The following RAD51B variants were observed in gnomAD, a reference collection of about 807,000 sequenced individuals.
RAD51B encodes the protein DNA repair protein RAD51 homolog 2.
RAD51B carries 38 observed loss-of-function variants against 42.2 expected under a neutral mutation model. The ratio of observed to expected loss-of-function variants is 0.90; its 90% CI spans 0.70 to 1.18. The LOEUF is 1.18. Among genes scored for constraint, RAD51B ranks in the 50% most tolerant of loss-of-function variants. The pLI, the probability that RAD51B is intolerant of heterozygous loss-of-function variation, is 0.00. For missense variants in RAD51B, 373 were observed against 400.7 expected (o/e 0.93, Z 0.59); for synonymous variants, 154 against 145.2 (o/e 1.06, Z -0.43).
intron 7 of RAD51B, among the ~76,000 whole-genome samples, chr14:68,163,634 T>C (rs1225931415): frequency 6.6e-6 from 1 of 152,202 alleles, no homozygotes. Flanking sequence ...TTCTTCTGTT[T>C]CCCAAGTCCT....
intron 7 of RAD51B, among the ~76,000 whole-genome samples, chr14:68,058,258 T>C (rs2076511342): frequency 6.6e-6 from 1 of 152,212 alleles, no homozygotes; most frequent in South Asian, 2.1e-4. Flanking sequence ...TTTCTGTCCC[T>C]TTGCATTTTT....
intron 4 of RAD51B, among the ~76,000 whole-genome samples, chr14:67,836,822 A>G (rs1457913610): frequency 1.3e-5 from 2 of 152,192 alleles, no homozygotes; most frequent in East Asian, 3.9e-4. Context: ...CACTGCAGTT[A>G]TTTTCCTTGA....
chr14:67,864,200 A>G (rs2042251738), intron 4 of RAD51B, among the ~76,000 whole-genome samples: 1 of 152,180 alleles, frequency 6.6e-6, no homozygotes, highest in Non-Finnish European at 1.5e-5. Flanking sequence ...TTACAATTCA[A>G]CCTGAGATTT....
chr14:68,041,387 C>T (rs2076215143), intron 7 of RAD51B, among the ~76,000 whole-genome samples: 1 of 152,126 alleles, frequency 6.6e-6, no homozygotes, highest in African/African-American at 2.4e-5. Flanking sequence ...TTTCTTCATG[C>T]CATGCTATTC....
At chr14:67,891,205 TA>T (rs1251246434) in intron 7 of RAD51B, among the ~76,000 whole-genome samples, 1 of 152,130 alleles carries the variant, frequency 6.6e-6, no homozygotes, top group African/African-American at 2.4e-5. Flanking sequence ...CAGTTAACAC[TA>T]TTTACAAAAG....
intron 10 of RAD51B, among the ~76,000 whole-genome samples, chr14:68,559,748 T>A (rs992836281): frequency 6.6e-6 from 1 of 152,188 alleles, no homozygotes; most frequent in Non-Finnish European, 1.5e-5. Context: ...TAGTCCTTTT[T>A]CTGCAATTTT....
intron 10 of RAD51B, chr14:68,541,862 C>T: frequency 1.0e-6 from 1 of 966,286 alleles, no homozygotes; most frequent in Non-Finnish European, 1.2e-6. Context: ...AAACAAGCCT[C>T]ATCTCATCTC....
chr14:67,908,074 A>G (rs2043837504), intron 7 of RAD51B, among the ~76,000 whole-genome samples: 1 of 152,164 alleles, frequency 6.6e-6, no homozygotes, highest in Admixed American at 6.5e-5. Context: ...TTAAATTACT[A>G]TATTAAGGAT....
intron 10 of RAD51B, among the ~76,000 whole-genome samples, chr14:68,622,243 C>G (rs1287312821): frequency 6.6e-6 from 1 of 152,220 alleles, no homozygotes; most frequent in African/African-American, 2.4e-5. Context: ...GCCAGATGCT[C>G]TAAGTACAGG....
intron 7 of RAD51B, among the ~76,000 whole-genome samples, chr14:68,039,367 G>C (rs1306273015): frequency 6.7e-6 from 1 of 149,580 alleles, no homozygotes. Flanking sequence ...GGCGAAGGTT[G>C]CTGTGAGCCA....
chr14:68,224,961 G>A (rs556920328), intron 7 of RAD51B, among the ~76,000 whole-genome samples: 2 of 152,158 alleles, frequency 1.3e-5, no homozygotes, highest in African/African-American at 4.8e-5. Context: ...AAAGTGCTGG[G>A]ATTACAGATG....
At chr14:68,110,343 A>G (rs1051239155) in intron 7 of RAD51B, among the ~76,000 whole-genome samples, 1 of 151,988 alleles carries the variant, frequency 6.6e-6, no homozygotes, top group Non-Finnish European at 1.5e-5. Flanking sequence ...AGGTGTTCAT[A>G]CTGTTCCACA....
intron 8 of RAD51B, among the ~76,000 whole-genome samples, chr14:68,398,820 A>T (rs10144806): frequency 0.095 from 14,454 of 152,214 alleles, 2,291 homozygotes; most frequent in African/African-American, 0.33. Context: ...AAATGCATGC[A>T]TGATGGTACA....
chr14:68,494,607 G>C (rs1486718469), intron 10 of RAD51B, among the ~76,000 whole-genome samples: 1 of 152,012 alleles, frequency 6.6e-6, no homozygotes, highest in African/African-American at 2.4e-5. Flanking sequence ...TCCTATTCTT[G>C]TTGCCTTTGA....
intron 7 of RAD51B, among the ~76,000 whole-genome samples, chr14:68,075,639 A>C (rs1292723128): frequency 6.6e-6 from 1 of 152,066 alleles, no homozygotes; most frequent in Non-Finnish European, 1.5e-5. Context: ...GCAGTGACAG[A>C]GGGGCTGGCA....
chr14:68,506,761 G>T (rs187014838), intron 10 of RAD51B, among the ~76,000 whole-genome samples: 5 of 152,256 alleles, frequency 3.3e-5, no homozygotes, highest in Admixed American at 3.3e-4. Flanking sequence ...TGTATGTATG[G>T]GCACATCTCA....
chr14:68,660,871 C>A (rs1014949035), intron 11 of RAD51B, among the ~76,000 whole-genome samples: 3 of 152,196 alleles, frequency 2.0e-5, no homozygotes, highest in African/African-American at 7.2e-5. Flanking sequence ...ACATTGAGAA[C>A]TCTGCAGGAT....
At chr14:68,449,583 C>A (rs1741162598) in intron 9 of RAD51B, among the ~76,000 whole-genome samples, 1 of 152,188 alleles carries the variant, frequency 6.6e-6, no homozygotes, top group Non-Finnish European at 1.5e-5. Context: ...CCCATCCCCC[C>A]AGCTGTCCCC....
rs1483143149 is a variant in RAD51B, at chr14:68,260,320, GA to G, written c.757-31563del. ...GACCGTGTGTGTGTGTGTGTGTGTG[GA>G]GAGGGGAAGACAGCGGGGGTAGAGA... On this transcript the variant is annotated intron_variant, in intron 7 of 10. Coordinates refer to ENST00000471583, the MANE Select transcript of RAD51B (RefSeq NM_133510.4). Among the ~76,000 whole-genome samples, 43 of 15,002 alleles carry G rather than the reference GA, an allele frequency of 2.9e-3. 9 individuals carry two copies. The highest frequency in any genetic ancestry group is 0.025 in the African/African-American group (38 of 1,518). The allele number at this position is 15,002 out of a possible 152,430, so 9.8% of individuals were successfully genotyped here. A position where few individuals can be genotyped will look rare whatever the true frequency, so the allele number is the denominator to read the frequency against.
Sources: gnomAD v4.1 joint callset for allele counts (sites outside exome capture counted in the v4.1 genomes callset) on GRCh38, gnomAD v4.1.1 for gene constraint, MANE v1.5 for transcripts, NCBI Gene and HGNC (gene_info 2026-07-23, HGNC 2026-07-21) for gene names.